The following MCPH1 variants were observed in gnomAD, a reference collection of about 807,000 sequenced individuals.
The protein encoded by MCPH1 is microcephalin.
MCPH1 carries 104 observed loss-of-function variants against 84.5 expected under a neutral mutation model. That is an observed-to-expected ratio of 1.23 (90% CI 1.05 to 1.45). The LOEUF (loss-of-function observed/expected upper bound fraction) is 1.45. Ranked by LOEUF, MCPH1 falls within the 40% of genes most tolerant of loss-of-function variation. MCPH1 has a pLI of 0.00. For synonymous variants in MCPH1, 514 were observed against 366.8 expected, an observed-to-expected ratio of 1.40 and a Z score of -4.58; for missense variants, 1,498 against 1,005.7, an observed-to-expected ratio of 1.49 and a Z score of -6.62.
intron 13 of MCPH1, among the ~76,000 whole-genome samples, chr8:6,642,471 C>A (rs943258883): frequency 2.6e-5 from 4 of 152,086 alleles, no homozygotes; most frequent in African/African-American, 9.7e-5. Flanking sequence ...TTAATTTGAG[C>A]TATGAAGAAC....
chr8:6,536,632 A>G (rs1382507704), intron 12 of MCPH1, among the ~76,000 whole-genome samples: 1 of 152,192 alleles, frequency 6.6e-6, no homozygotes, highest in Non-Finnish European at 1.5e-5. Flanking sequence ...TTTTAGAGGT[A>G]CAGAAAGACT....
intron 4 of MCPH1, among the ~76,000 whole-genome samples, chr8:6,433,032 G>T (rs1264157694): frequency 6.6e-6 from 1 of 152,164 alleles, no homozygotes; most frequent in Non-Finnish European, 1.5e-5. Context: ...CATGCTTGAC[G>T]TGAAGGGGCT....
Position 6,409,280 on chromosome 8 carries a change from T to G in MCPH1, c.24T>G (p.Asp8Glu), listed in dbSNP as rs1336240811. 1.9e-6 allele frequency: 3 copies of G among 1,610,564 alleles called. No homozygotes were observed. The highest frequency in any genetic ancestry group is 2.5e-6 in the Non-Finnish European group (3 of 1,176,706). Residue 8 changes from aspartate (D) to glutamate (E), a missense_variant and splice_region_variant, in exon 2 of 14, where the codon GAT becomes GAG. Physicochemically the swap from Asp to Glu is conservative, Grantham distance 45. Coordinates refer to ENST00000344683, the MANE Select transcript of MCPH1 (RefSeq NM_024596.5). ...TTCATGTTCATATCTTGTTTTCAGATGTAGTGGCCTATGTTGAAGTGTGGT... is the reference window on the plus strand; with the variant it reads ...TTCATGTTCATATCTTGTTTTCAGAGGTAGTGGCCTATGTTGAAGTGTGGT... MAAPILK[D>E]VVAYVEVWSS...
intron 12 of MCPH1, among the ~76,000 whole-genome samples, chr8:6,606,892 T>G (rs188187358): frequency 6.6e-6 from 1 of 152,362 alleles, no homozygotes; most frequent in Admixed American, 6.5e-5. Flanking sequence ...TTTGCCACCA[T>G]GTGAGATGTG....
At chr8:6,483,467 C>G (rs568564753) in intron 11 of MCPH1, among the ~76,000 whole-genome samples, 1 of 152,204 alleles carries the variant, frequency 6.6e-6, no homozygotes, top group Non-Finnish European at 1.5e-5. Context: ...TATTGGTGGA[C>G]ACACAGAACA....
At chr8:6,449,034 A>G (rs1585841314) in intron 8 of MCPH1, among the ~76,000 whole-genome samples, 1 of 152,326 alleles carries the variant, frequency 6.6e-6, no homozygotes, top group Middle Eastern at 3.4e-3. Context: ...TGGAGTTCAG[A>G]CTGAGTGTTC....
At chr8:6,513,372 G>A (rs909074364) in intron 12 of MCPH1, among the ~76,000 whole-genome samples, 3 of 140,374 alleles carry the variant, frequency 2.1e-5, no homozygotes, top group Non-Finnish European at 4.5e-5. Flanking sequence ...TTGCTCTGTC[G>A]CCCAGGTTGC....
At chr8:6,464,801 C>T (rs1054677208) in intron 9 of MCPH1, among the ~76,000 whole-genome samples, 2 of 152,174 alleles carry the variant, frequency 1.3e-5, no homozygotes, top group Non-Finnish European at 2.9e-5. Flanking sequence ...AGTTTGAGAC[C>T]AGCCTGGCCA....
intron 11 of MCPH1, among the ~76,000 whole-genome samples, chr8:6,491,781 C>T (rs1480613439): frequency 2.0e-5 from 3 of 152,026 alleles, no homozygotes; most frequent in African/African-American, 7.3e-5. Context: ...CCAGCTTCAT[C>T]CATGTCCCTA....
chr8:6,468,292 C>T (rs894678027), intron 9 of MCPH1, among the ~76,000 whole-genome samples: 3 of 152,118 alleles, frequency 2.0e-5, no homozygotes, highest in Admixed American at 6.5e-5. Context: ...CTTGGATGTT[C>T]CCGGGTGTCA....
In MCPH1 at chr8:6,509,662, C is replaced by G. The variant is rs549536548; in HGVS notation, c.2214+9733C>G. On this transcript the variant is annotated intron_variant, in intron 12 of 13. Transcript: ENST00000344683. ...AGTAAGTTAGACACTATTTACAATA[C>G]AGACGATCCCTGACTTCCCATGGGG... Among the ~76,000 whole-genome samples, 8 of 152,318 alleles carry G rather than the reference C, an allele frequency of 5.3e-5. No individual in the cohort carries two copies. In the South Asian group the frequency reaches 1.4e-3, roughly 28 times the overall value.
At position 6,446,914 on chromosome 8, in the gene MCPH1, G is replaced by A. The variant is rs1205667727; in HGVS notation, c.1825+1367G>A. On this transcript the variant is annotated intron_variant, in intron 8 of 13. Transcript: ENST00000344683. ...CGACAGCCTCCGGGGTTGGGGGTAA[G>A]TAGAAGGGGGTGAGGGGCCAGCACT... 4 of 985,262 alleles carry A rather than the reference G, an allele frequency of 4.1e-6. No homozygotes were observed. In the African/African-American group the frequency reaches 7.0e-5, roughly 17 times the overall value. The allele number at this position is 985,262 out of a possible 1,614,324, so 61.0% of individuals were successfully genotyped here.
intron 13 of MCPH1, among the ~76,000 whole-genome samples, chr8:6,636,213 G>C (rs186862012): frequency 1.3e-5 from 2 of 152,176 alleles, no homozygotes; most frequent in Admixed American, 6.5e-5. Flanking sequence ...GATGGCACAT[G>C]CATGTAGTCC....
intron 12 of MCPH1, among the ~76,000 whole-genome samples, chr8:6,586,614 C>T (rs1828005746): frequency 6.6e-6 from 1 of 152,108 alleles, no homozygotes; most frequent in Admixed American, 6.5e-5. Context: ...GCAAAGAGAG[C>T]CTGAAATAAA....
intron 12 of MCPH1, among the ~76,000 whole-genome samples, chr8:6,509,361 G>A (rs1814469770): frequency 6.6e-6 from 1 of 152,208 alleles, no homozygotes; most frequent in Non-Finnish European, 1.5e-5. Flanking sequence ...ATAAACAGAA[G>A]AGAAAGAAAT....
chr8:6,520,475 A>ATCC lies in MCPH1; in HGVS notation c.2214+20556_2214+20558dup, dbSNP rs372558085. ...GCAGTGACACATCTCAGCTTACCGC[A>ATCC]TCCTCCTCCTCCCAGGTTTAAGTGA... On this transcript the variant is annotated intron_variant, in intron 12 of 13. Transcript: ENST00000344683. Among the ~76,000 whole-genome samples, 703 of 152,148 alleles carry ATCC rather than the reference A, an allele frequency of 4.6e-3. 5 individuals carry two copies. Among genetic ancestry groups the ATCC allele is most frequent in the African/African-American group, 0.016 (673 of 41,502 alleles).
intron 12 of MCPH1, among the ~76,000 whole-genome samples, chr8:6,561,903 ACTGT>A (rs1825598670): frequency 6.6e-6 from 1 of 152,162 alleles, no homozygotes; most frequent in African/African-American, 2.4e-5. Context: ...CCAAGAACAA[ACTGT>A]CAGACAGACC....
chr8:6,454,900 T>C (rs201859169), intron 8 of MCPH1, among the ~76,000 whole-genome samples: 3 of 152,144 alleles, frequency 2.0e-5, no homozygotes, highest in Non-Finnish European at 4.4e-5. Context: ...ATGGACGGAG[T>C]TGATGCTGTA....
chr8:6,431,381 C>T (rs368962328), intron 3 of MCPH1, 118 bp from the exon 4 acceptor site: 6 of 743,816 alleles, frequency 8.1e-6, no homozygotes, highest in East Asian at 5.2e-5. Flanking sequence ...TTTTAAAAGT[C>T]TGTTAAAATG....
Sources: gnomAD v4.1 joint callset for allele counts (sites outside exome capture counted in the v4.1 genomes callset) on GRCh38, gnomAD v4.1.1 for gene constraint, MANE v1.5 for transcripts, NCBI Gene and HGNC (gene_info 2026-07-23, HGNC 2026-07-21) for gene names.